Variants in DERA observed in about 807,000 individuals in gnomAD.
The protein encoded by DERA is deoxyribose-phosphate aldolase.
In DERA, 15 loss-of-function variants were observed where a neutral mutation model predicts 41.1. That is an observed-to-expected ratio of 0.37 (90% CI 0.24 to 0.56). The LOEUF (loss-of-function observed/expected upper bound fraction) is 0.56. Ranked by LOEUF, DERA falls within the 20% of genes least tolerant of loss-of-function variation. The probability of loss-of-function intolerance (pLI) is 0.81; values close to 1 mark genes in which losing one functional copy is unlikely to be tolerated. For synonymous variants in DERA, 139 were observed against 137.4 expected, an observed-to-expected ratio of 1.01 and a Z score of -0.08; for missense variants, 396 against 403.4, an observed-to-expected ratio of 0.98 and a Z score of 0.16.
In DERA at chr12:15,989,079, A is replaced by G. The variant is rs543233974; in HGVS notation, c.637+6643A>G. ...AGCCTGCAGGGGTAGAGGGCTTCCC[A>G]GGCTTCTAAGAGCACAGGAATGCCT... On this transcript the variant is annotated intron_variant, in intron 6 of 8. Coordinates refer to ENST00000428559, the MANE Select transcript of DERA (RefSeq NM_015954.4). The surrounding 1 kb of genome is among the most constrained non-coding windows in gnomAD (Gnocchi z 5.2). Among the ~76,000 whole-genome samples the G allele has an allele frequency of 2.6e-5, 4 of 152,322 alleles. No individual in the cohort carries two copies. The highest frequency in any genetic ancestry group is 2.6e-4 in the Admixed American group (4 of 15,308).
intron 1 of DERA, among the ~76,000 whole-genome samples, chr12:15,933,245 A>G (rs984082280): frequency 1.3e-5 from 2 of 152,176 alleles, no homozygotes; most frequent in East Asian, 3.9e-4. Flanking sequence ...GAACCTCTAT[A>G]TACCATTCTT....
rs1021870795 is a variant in DERA at position 16,020,635 on chromosome 12, C to T, written c.638-11907C>T. On this transcript the variant is annotated intron_variant, in intron 6 of 8. Transcript: ENST00000428559. This position sits in a 1 kb window ranked among gnomAD's most constrained non-coding sequence, Gnocchi z 5.5. ...AGAGTTTGGAGGGCCCAGAAAAAGA[C>T]AGGAAGATGAGAGAAAGTTTGAAAC... Among the ~76,000 whole-genome samples, 3 of 152,032 alleles carry T rather than the reference C, an allele frequency of 2.0e-5. No individual in the cohort carries two copies. The highest frequency in any genetic ancestry group is 4.4e-5 in the Non-Finnish European group (3 of 68,006).
Position 16,012,527 on chromosome 12 carries a change from T to C in DERA, c.638-20015T>C, listed in dbSNP as rs569427490. On this transcript the variant is annotated intron_variant, in intron 6 of 8. Coordinates refer to ENST00000428559, the MANE Select transcript of DERA (RefSeq NM_015954.4). The surrounding 1 kb of genome is among the most constrained non-coding windows in gnomAD (Gnocchi z 4.1). ...CAGGTTGAGTTACTTACAGATCTTT[T>C]GCATTGCTGAGTGAAATATTCAAAT... Among the ~76,000 whole-genome samples the C allele has an allele frequency of 2.0e-5, 3 of 152,348 alleles. No homozygotes were observed. In the East Asian group the frequency reaches 5.8e-4, roughly 29 times the overall value.
intron 1 of DERA, among the ~76,000 whole-genome samples, chr12:15,952,888 C>G (rs1322743771): frequency 2.6e-5 from 4 of 152,208 alleles, no homozygotes; most frequent in African/African-American, 9.6e-5. Context: ...CTGACAGCCC[C>G]ACAAACTTGC....
chr12:15,951,686 A>G (rs1948498780), intron 1 of DERA, among the ~76,000 whole-genome samples: 1 of 152,210 alleles, frequency 6.6e-6, no homozygotes, highest in African/African-American at 2.4e-5. Flanking sequence ...GAAAGTAGGA[A>G]TATAATCTTA....
At position 15,996,005 on chromosome 12, in the gene DERA, G is replaced by A. The variant is rs1306122142; in HGVS notation, c.637+13569G>A. 6.6e-6 allele frequency among the ~76,000 whole-genome samples: 1 copy of A among 152,132 alleles called. No homozygotes were observed. The highest frequency in any genetic ancestry group is 2.4e-5 in the African/African-American group (1 of 41,438). ...TTGGGTGCGCCACATCAGGAGGTAGGAGACGTTCGAGGCACAGGCTGAGTG... is the reference window on the plus strand; with the variant it reads ...TTGGGTGCGCCACATCAGGAGGTAGAAGACGTTCGAGGCACAGGCTGAGTG... On this transcript the variant is annotated intron_variant, in intron 6 of 8. Coordinates refer to ENST00000428559, the MANE Select transcript of DERA (RefSeq NM_015954.4). The surrounding 1 kb of genome is among the most constrained non-coding windows in gnomAD (Gnocchi z 4.7).
intron 1 of DERA, among the ~76,000 whole-genome samples, chr12:15,933,180 T>C (rs1002392217): frequency 8.5e-5 from 13 of 152,230 alleles, no homozygotes; most frequent in African/African-American, 3.1e-4. Context: ...TTTGGATATA[T>C]ACCCGGTAGT....
intron 6 of DERA, among the ~76,000 whole-genome samples, chr12:16,022,840 T>C (rs1425851418): frequency 6.6e-6 from 1 of 152,148 alleles, no homozygotes; most frequent in Non-Finnish European, 1.5e-5. Flanking sequence ...TGGCCCCCAC[T>C]CTTTTTTGGG....
rs561097422 is a variant in DERA, at chr12:15,935,468, C to T, written c.32-21468C>T. Among the ~76,000 whole-genome samples, 2 of 152,186 alleles carry T rather than the reference C, an allele frequency of 1.3e-5. No homozygotes were observed. The highest frequency in any genetic ancestry group is 3.9e-4 in the East Asian group (2 of 5,184). ...TGCCACTGCACTCCAGCCTGGGCAA[C>T]AGAGTGAGACCCTGTCTCAAAAAAA... On this transcript the variant is annotated intron_variant, in intron 1 of 8. Coordinates refer to ENST00000428559, the MANE Select transcript of DERA (RefSeq NM_015954.4). The surrounding 1 kb of genome is among the most constrained non-coding windows in gnomAD (Gnocchi z 4.8).
chr12:15,940,442 C>T lies in DERA; in HGVS notation c.32-16494C>T, dbSNP rs1280831090. ...TCTTGGCTCACTGCAACCTCCACCT[C>T]CCGGGTTCAAACGATTCTTCTGCCT... On this transcript the variant is annotated intron_variant, in intron 1 of 8. Coordinates refer to ENST00000428559, the MANE Select transcript of DERA (RefSeq NM_015954.4). This position sits in a 1 kb window ranked among gnomAD's most constrained non-coding sequence, Gnocchi z 5.1. 6.6e-6 allele frequency among the ~76,000 whole-genome samples: 1 copy of T among 152,104 alleles called. No homozygotes were observed. The highest frequency in any genetic ancestry group is 2.4e-5 in the African/African-American group (1 of 41,416).
intron 7 of DERA, among the ~76,000 whole-genome samples, chr12:16,033,581 T>TTGTG (rs146182174): frequency 0.32 from 41,026 of 127,406 alleles, 7,095 homozygotes; most frequent in Non-Finnish European, 0.38. Flanking sequence ...GAGAGCAAGG[T>TTGTG]TGTGTGTGTG....
rs1309934388 is a variant in DERA at position 15,989,370 on chromosome 12, C to T, written c.637+6934C>T. Among the ~76,000 whole-genome samples, 2 of 152,226 alleles carry T rather than the reference C, an allele frequency of 1.3e-5. No homozygotes were observed. The highest frequency in any genetic ancestry group is 2.9e-5 in the Non-Finnish European group (2 of 68,046). On this transcript the variant is annotated intron_variant, in intron 6 of 8. Transcript: ENST00000428559. This position sits in a 1 kb window ranked among gnomAD's most constrained non-coding sequence, Gnocchi z 5.2. Reference sequence around the variant, plus strand: ...ATCCAGTGAAATGTATGCTGCTGTACATTTTTAGTTTAGAATTTCCATTTG... The same window carrying T: ...ATCCAGTGAAATGTATGCTGCTGTATATTTTTAGTTTAGAATTTCCATTTG...
intron 1 of DERA, among the ~76,000 whole-genome samples, chr12:15,923,333 T>A (rs1287858220): frequency 1.3e-5 from 2 of 152,192 alleles, no homozygotes; most frequent in Admixed American, 6.5e-5. Context: ...GTTTTTGCTT[T>A]TAAAAAACAG....
In DERA at chr12:16,026,251, C is replaced by CT. The variant is rs1247788345; in HGVS notation, c.638-6281dup. On this transcript the variant is annotated intron_variant, in intron 6 of 8. Transcript: ENST00000428559. The surrounding 1 kb of genome is among the most constrained non-coding windows in gnomAD (Gnocchi z 4.4). Reference sequence around the variant, plus strand: ...TTTTTTTTAAATATCCTAAAAGCTACTTTTTTTTTTCTCCCCCCGTAAGAT... The same window carrying CT: ...TTTTTTTTAAATATCCTAAAAGCTACTTTTTTTTTTTCTCCCCCCGTAAGAT... 0.014 allele frequency among the ~76,000 whole-genome samples: 2,004 copies of CT among 147,980 alleles called. 47 individuals are homozygous for CT. The highest frequency in any genetic ancestry group is 0.047 in the African/African-American group (1,891 of 40,486).
intron 1 of DERA, among the ~76,000 whole-genome samples, chr12:15,948,990 A>G (rs1458908515): frequency 6.6e-6 from 1 of 152,224 alleles, no homozygotes; most frequent in Non-Finnish European, 1.5e-5. Flanking sequence ...CCTTGGTGTC[A>G]GCAGCAGAGG....
In DERA at chr12:15,918,715, T is replaced by C. The variant is rs1023552626; in HGVS notation, c.31+7301T>C. ...TGCTTTCCCAGAGCTCACAGGCAAC[T>C]AAGGGAGATGTTTATGTAAATCACC... On this transcript the variant is annotated intron_variant, in intron 1 of 8. Coordinates refer to ENST00000428559, the MANE Select transcript of DERA (RefSeq NM_015954.4). The surrounding 1 kb of genome is among the most constrained non-coding windows in gnomAD (Gnocchi z 4.3). Among the ~76,000 whole-genome samples, 3 of 152,264 alleles carry C rather than the reference T, an allele frequency of 2.0e-5. No individual in the cohort carries two copies. The highest frequency in any genetic ancestry group is 4.8e-5 in the African/African-American group (2 of 41,546).
Position 15,985,588 on chromosome 12 carries a change from GTGAAA to G in DERA, c.637+3153_637+3157del, listed in dbSNP as rs1419159455. Among the ~76,000 whole-genome samples, 1 of 30,410 alleles carries G rather than the reference GTGAAA, an allele frequency of 3.3e-5. No homozygotes were observed. Among genetic ancestry groups the G allele is most frequent in the African/African-American group, 7.5e-5 (1 of 13,400 alleles). The allele number at this position is 30,410 out of a possible 152,430, so 20.0% of individuals were successfully genotyped here. A position where few individuals can be genotyped will look rare whatever the true frequency, so the allele number is the denominator to read the frequency against. ...GTTGTTTTTTTTTCATTACTTTTCA[GTGAAA>G]GTTATTTTCTAATTTCCCTTGTGAT... On this transcript the variant is annotated intron_variant, in intron 6 of 8. Coordinates refer to ENST00000428559, the MANE Select transcript of DERA (RefSeq NM_015954.4). This position sits in a 1 kb window ranked among gnomAD's most constrained non-coding sequence, Gnocchi z 4.2.
chr12:15,914,392 A>AT (rs1346807624), intron 1 of DERA, among the ~76,000 whole-genome samples: 2,135 of 146,442 alleles, frequency 0.015, 60 homozygotes, highest in African/African-American at 0.053. Context: ...CTCAAAAAAG[A>AT]TAAAAAAAAA....
At chr12:16,027,577 G>C (rs867480085) in intron 6 of DERA, among the ~76,000 whole-genome samples, 19 of 152,222 alleles carry the variant, frequency 1.2e-4, no homozygotes, top group Non-Finnish European at 5.9e-5. Flanking sequence ...AGGAATTGGA[G>C]TGATGCAGCT....
Sources: allele counts gnomAD v4.1 joint callset (sites outside exome capture counted in the v4.1 genomes callset), GRCh38; gene constraint gnomAD v4.1.1; non-coding constraint Gnocchi (gnomAD v3.1); transcripts MANE v1.5; gene names NCBI Gene and HGNC (gene_info 2026-07-23, HGNC 2026-07-21).